The following AP3D1 variants were observed in gnomAD, a reference collection of about 807,000 sequenced individuals.
The protein encoded by AP3D1 is adaptor related protein complex 3 subunit delta 1, also known as AP-3 complex subunit delta-1.
A neutral mutation model predicts 147.6 loss-of-function variants in AP3D1; 51 were observed. The observed-to-expected ratio is 0.35, with a 90% CI of 0.28 to 0.44. The LOEUF (loss-of-function observed/expected upper bound fraction) is 0.44. AP3D1 is among the 20% of genes least tolerant of loss of function. AP3D1 has a pLI of 1.00. For missense variants in AP3D1, 1,421 were observed against 1,624.2 expected, an observed-to-expected ratio of 0.87 and a Z score of 2.15; for synonymous variants, 760 against 663.0, an observed-to-expected ratio of 1.15 and a Z score of -2.25.
intron 29 of AP3D1, 31 bp downstream of exon 29, chr19:2,109,842 G>T (rs370994059): frequency 1.9e-6 from 3 of 1,605,064 alleles, no homozygotes; most frequent in African/African-American, 2.7e-5. Flanking sequence ...GAGGGGGTTC[G>T]GGGACATAGG....
At chr19:2,138,879 G>A (rs2019146260) in intron 1 of AP3D1, among the ~76,000 whole-genome samples, 165 bp from the exon 2 acceptor site, 2 of 151,570 alleles carry the variant, frequency 1.3e-5, no homozygotes, top group South Asian at 4.2e-4. Flanking sequence ...GGCCAACATG[G>A]TGAAACCCCG....
chr19:2,146,153 C>G (rs1365239562), intron 1 of AP3D1, among the ~76,000 whole-genome samples: 2 of 152,212 alleles, frequency 1.3e-5, no homozygotes, highest in African/African-American at 4.8e-5. Flanking sequence ...CCACCCACGT[C>G]AAGGACCGAG....
At chr19:2,133,511 C>CT (rs572173268) in intron 4 of AP3D1, 6,532 of 145,886 alleles carry the variant, frequency 0.045, 215 homozygotes, top group Non-Finnish European at 0.069. Flanking sequence ...ACAAGGCCAG[C>CT]TTTTTTTTTT....
intron 1 of AP3D1, among the ~76,000 whole-genome samples, chr19:2,144,022 G>A (rs1199813442): frequency 2.0e-5 from 3 of 151,010 alleles, no homozygotes; most frequent in Admixed American, 6.6e-5. Context: ...GGAGGCAGAC[G>A]TTGCGGTGAG....
intron 24 of AP3D1, chr19:2,112,037 CAAGCGCCAAA>C: frequency 2.7e-6 from 2 of 749,742 alleles, no homozygotes; most frequent in Non-Finnish European, 4.2e-6. Context: ...TGGTTGGCGG[CAAGCGCCAAA>C]GCAGCCCGGG....
rs1005247097 is a variant in AP3D1 at position 2,111,923 on chromosome 19, T to A, written c.2788-95A>T. ...AGGATCACAGCAGGGCTGCTCAGGC[T>A]GAGGGTCCCACGTGCCTGGGTGGGA... On this transcript the variant is annotated intron_variant, in intron 24 of 31. Transcript: ENST00000643116. 5 of 1,578,864 alleles carry A rather than the reference T, an allele frequency of 3.2e-6. No individual in the cohort carries two copies. In the African/African-American group the frequency reaches 4.0e-5, roughly 13 times the overall value.
intron 1 of AP3D1, among the ~76,000 whole-genome samples, chr19:2,148,958 C>T (rs1411075505): frequency 6.6e-6 from 1 of 151,852 alleles, no homozygotes; most frequent in African/African-American, 2.4e-5. Context: ...CTACAACATA[C>T]GGTCTATAGG....
In AP3D1 at chr19:2,113,341, A is replaced by C. The variant is rs2018341684; in HGVS notation, c.2674T>G (p.Ser892Ala). The change falls in exon 23 of 32, where the codon TCC becomes GCC. Residue 892 changes from serine (S) to alanine (A), a missense_variant. Physicochemically the swap from Ser to Ala is moderately conservative, Grantham distance 99. Coordinates refer to ENST00000643116, the MANE Select transcript of AP3D1 (RefSeq NM_001261826.3). ...APAPAPAPVP[S>A]TGELSVNTVT... is the part of the protein sequence containing the mutation. Reference sequence around the variant, plus strand: ...GCCAGCTGCCAGTCTCTTACCGTGGATGGAACGGGGGCGGGGGCGGGGGCG... The same window carrying C: ...GCCAGCTGCCAGTCTCTTACCGTGGCTGGAACGGGGGCGGGGGCGGGGGCG... The C allele has an allele frequency of 1.4e-6, 1 of 721,182 alleles. No homozygotes were observed. The highest frequency in any genetic ancestry group is 1.9e-6 in the Non-Finnish European group (1 of 532,262). The allele number at this position is 721,182 out of a possible 1,614,324, so 44.7% of individuals were successfully genotyped here. A position where few individuals can be genotyped will look rare whatever the true frequency, so the allele number is the denominator to read the frequency against.
In AP3D1 at chr19:2,112,847, G is replaced by A. The variant is rs564750027; in HGVS notation, c.2787+13C>T. On this transcript the variant is annotated intron_variant, in intron 24 of 31. Coordinates refer to ENST00000643116, the MANE Select transcript of AP3D1 (RefSeq NM_001261826.3). ...GCAGCCCTCCACAGCCCCTGGGGGAGTGACAGCCTCACCTTGTCCTGGTCT... is the reference window on the plus strand; with the variant it reads ...GCAGCCCTCCACAGCCCCTGGGGGAATGACAGCCTCACCTTGTCCTGGTCT... The A allele has an allele frequency of 1.1e-5, 17 of 1,601,384 alleles. No individual in the cohort carries two copies. The highest frequency in any genetic ancestry group is 1.7e-5 in the Admixed American group (1 of 58,962).
chr19:2,152,146 A>C (rs541726684), upstream of AP3D1, among the ~76,000 whole-genome samples: 3 of 152,220 alleles, frequency 2.0e-5, no homozygotes, highest in African/African-American at 7.2e-5. Context: ...TCGAAGGCCC[A>C]TTGTGTGCCA....
At chr19:2,102,811 G>A (rs909227004) in intron 31 of AP3D1, among the ~76,000 whole-genome samples, 124 of 151,886 alleles carry the variant, frequency 8.2e-4, no homozygotes, top group African/African-American at 2.8e-3. Context: ...GCCGGGCATC[G>A]TGGCAGGACA....
intron 1 of AP3D1, among the ~76,000 whole-genome samples, 158 bp downstream of exon 1, chr19:2,151,081 C>CCACAGG (rs1421648529): frequency 6.6e-6 from 1 of 152,234 alleles, no homozygotes; most frequent in Non-Finnish European, 1.5e-5. Context: ...GTGGGCGGCG[C>CCACAGG]CCCAGGCCCA....
chr19:2,164,132 C>T (rs1276218003), intron 1 of AP3D1: 11 of 1,001,930 alleles, frequency 1.1e-5, no homozygotes, highest in Non-Finnish European at 1.2e-5. Context: ...CCGGCGGCCC[C>T]GCCCCTCCCC....
chr19:2,161,156 T>G lies in AP3D1; in HGVS notation c.-103+3200A>C, dbSNP rs1444455718. Among the ~76,000 whole-genome samples the G allele has an allele frequency of 4.9e-5, 6 of 122,802 alleles. 1 individual carries two copies. The highest frequency in any genetic ancestry group is 2.2e-4 in the East Asian group (1 of 4,632). The allele number at this position is 122,802 out of a possible 152,430, so 80.6% of individuals were successfully genotyped here. On this transcript the variant is annotated intron_variant, in intron 1 of 14. Coordinates refer to the AP3D1 transcript ENST00000643010. ...CTGGCCCATCAGGAGCTTCTCCTAG[T>G]TTTTTTTTTTTTTTTTTTTTTTGAG...
intron 1 of AP3D1, among the ~76,000 whole-genome samples, chr19:2,148,101 C>T (rs1186131280): frequency 2.1e-5 from 3 of 146,140 alleles, no homozygotes; most frequent in African/African-American, 2.6e-5. Flanking sequence ...GAGCCCAGAT[C>T]GCACCACTGC....
At chr19:2,129,593 T>A in intron 6 of AP3D1, 136 bp from the exon 7 acceptor site, 1 of 1,090,692 alleles carries the variant, frequency 9.2e-7, no homozygotes, top group Non-Finnish European at 1.3e-6. Context: ...TGCCACCTCC[T>A]CCTGGTGACA....
At chr19:2,152,334 G>A (rs188572365), upstream of AP3D1, among the ~76,000 whole-genome samples, 2 of 151,996 alleles carry the variant, frequency 1.3e-5, no homozygotes, top group Admixed American at 6.6e-5. Flanking sequence ...CTTGAGGTCA[G>A]GAGTTCGAAA....
upstream of AP3D1, among the ~76,000 whole-genome samples, chr19:2,156,256 T>G (rs945355020): frequency 6.6e-6 from 1 of 151,998 alleles, no homozygotes; most frequent in Non-Finnish European, 1.5e-5. Context: ...ATGGGGACAT[T>G]TGTCATCAGT....
At chr19:2,139,981 G>C (rs1247601087) in intron 1 of AP3D1, among the ~76,000 whole-genome samples, 2 of 152,026 alleles carry the variant, frequency 1.3e-5, no homozygotes. Flanking sequence ...GGTGGGGGAG[G>C]GCACAGACAC....
Sources: gnomAD v4.1 joint callset for allele counts (sites outside exome capture counted in the v4.1 genomes callset) on GRCh38, gnomAD v4.1.1 for gene constraint, MANE v1.5 for transcripts, NCBI Gene and HGNC (gene_info 2026-07-23, HGNC 2026-07-21) for gene names.